Variants in GALNT18 observed in about 807,000 individuals in gnomAD.
The protein encoded by GALNT18 is GalNAc-transferase 18.
Under a neutral mutation model 69.5 loss-of-function variants are expected in GALNT18, and 44 were observed. The observed-to-expected ratio is 0.63, with a 90% CI of 0.50 to 0.81. The LOEUF is 0.81. Among genes scored for constraint, GALNT18 ranks in the 40% least tolerant of loss-of-function variants. GALNT18 has a pLI of 0.00. For missense variants in GALNT18, 715 were observed against 810.0 expected (o/e 0.88, Z 1.42); for synonymous variants, 364 against 318.2 (o/e 1.14, Z -1.53).
At chr11:11,506,297 G>C (rs1212184539) in intron 1 of GALNT18, among the ~76,000 whole-genome samples, 2 of 152,124 alleles carry the variant, frequency 1.3e-5, no homozygotes, top group African/African-American at 4.8e-5. Context: ...TTTTGCAAAA[G>C]AGAAACCACT....
At chr11:11,512,334 G>A (rs927060199) in intron 1 of GALNT18, among the ~76,000 whole-genome samples, 3 of 152,150 alleles carry the variant, frequency 2.0e-5, no homozygotes, top group South Asian at 4.1e-4. Flanking sequence ...GTCAGACTCC[G>A]CCTGACCCAG....
intron 3 of GALNT18, among the ~76,000 whole-genome samples, chr11:11,379,678 A>G (rs1371506180): frequency 6.6e-6 from 1 of 152,132 alleles, no homozygotes; most frequent in Admixed American, 6.5e-5. Flanking sequence ...CCTCCTTCCT[A>G]TTGGTCTCCA....
In GALNT18 at chr11:11,582,319, A is replaced by G. The variant is rs1257673062; in HGVS notation, c.235+39040T>C. 6.6e-6 allele frequency among the ~76,000 whole-genome samples: 1 copy of G among 152,214 alleles called. No individual in the cohort carries two copies. Among genetic ancestry groups the G allele is most frequent in the Non-Finnish European group, 1.5e-5 (1 of 68,036 alleles). ...GGGAGCTGGGCATGGCCAGGAGGCA[A>G]AGGGCCTTTGTTCCCAATCATTCAC... On this transcript the variant is annotated intron_variant, in intron 1 of 10. Coordinates refer to ENST00000227756, the MANE Select transcript of GALNT18 (RefSeq NM_198516.3). The surrounding 1 kb of genome is among the most constrained non-coding windows in gnomAD (Gnocchi z 5.0).
At chr11:11,366,451 TTTC>T (rs1175389530) in intron 6 of GALNT18, among the ~76,000 whole-genome samples, 11 of 152,214 alleles carry the variant, frequency 7.2e-5, no homozygotes, top group African/African-American at 2.4e-4. Flanking sequence ...AAGTAATTAA[TTTC>T]TTCTTGTTAT....
rs1419816358 is a variant in GALNT18, at chr11:11,282,549, A to AG, written c.1677+10479dup. On this transcript the variant is annotated intron_variant, in intron 10 of 10. Transcript: ENST00000227756. ...GTAAGTAGTGGCAGCCTGGGAACCC[A>AG]GGGGGGTCTGCCCCCTTTATGTTCC... Among the ~76,000 whole-genome samples the AG allele has an allele frequency of 2.4e-4, 37 of 152,260 alleles. 2 individuals are homozygous for AG. The highest frequency in any genetic ancestry group is 2.0e-3 in the Admixed American group (31 of 15,306).
rs1859377453 is a variant in GALNT18 at position 11,592,307 on chromosome 11, A to C, written c.235+29052T>G. Among the ~76,000 whole-genome samples, 1 of 152,236 alleles carries C rather than the reference A, an allele frequency of 6.6e-6. No homozygotes were observed. Among genetic ancestry groups the C allele is most frequent in the Non-Finnish European group, 1.5e-5 (1 of 68,048 alleles). ...AATTATATGCACGGTTACGAAAAAA[A>C]ATCAAAGATGTTTCCCACACATTGT... On this transcript the variant is annotated intron_variant, in intron 1 of 10. Coordinates refer to ENST00000227756, the MANE Select transcript of GALNT18 (RefSeq NM_198516.3). This position sits in a 1 kb window ranked among gnomAD's most constrained non-coding sequence, Gnocchi z 5.9.
intron 3 of GALNT18, among the ~76,000 whole-genome samples, chr11:11,403,207 T>C (rs1314439836): frequency 2.0e-5 from 3 of 152,162 alleles, no homozygotes; most frequent in African/African-American, 7.2e-5. Context: ...CACAGTTAGT[T>C]TATCCAACCC....
intron 9 of GALNT18, among the ~76,000 whole-genome samples, chr11:11,324,824 G>A (rs966499988): frequency 6.6e-6 from 1 of 152,018 alleles, no homozygotes; most frequent in Admixed American, 6.5e-5. Context: ...TGGATGCATA[G>A]TTTGTGAATA....
intron 1 of GALNT18, among the ~76,000 whole-genome samples, chr11:11,551,015 T>A (rs563312461): frequency 8.7e-5 from 13 of 149,136 alleles, no homozygotes; most frequent in Non-Finnish European, 1.3e-4. Flanking sequence ...AGAGGGAACA[T>A]CACTCTGAAG....
intron 6 of GALNT18, chr11:11,352,079 G>A (rs761200748): frequency 3.3e-5 from 53 of 1,613,726 alleles, no homozygotes; most frequent in Non-Finnish European, 4.4e-5. Flanking sequence ...CATTGGCGCT[G>A]CTGACGGGCG....
intron 1 of GALNT18, among the ~76,000 whole-genome samples, chr11:11,589,693 C>T (rs1590122760): frequency 6.6e-6 from 1 of 152,238 alleles, no homozygotes; most frequent in East Asian, 1.9e-4. Flanking sequence ...CACAGTTTGT[C>T]TATCGCCCCT....
intron 1 of GALNT18, among the ~76,000 whole-genome samples, chr11:11,457,791 A>G (rs956778330): frequency 3.5e-5 from 5 of 142,142 alleles, no homozygotes; most frequent in Admixed American, 2.8e-4. Context: ...TCTCAGGCAG[A>G]GGGGATCACT....
intron 2 of GALNT18, among the ~76,000 whole-genome samples, chr11:11,445,255 T>C (rs1361548674): frequency 6.6e-6 from 1 of 152,182 alleles, no homozygotes; most frequent in African/African-American, 2.4e-5. Context: ...GGGCAGGAGA[T>C]ATCATCTCCC....
At position 11,492,349 on chromosome 11, in the gene GALNT18, TTAGAAACCAACAATAACACTGCCA is replaced by T. The variant is rs1463571799; in HGVS notation, c.236-43437_236-43414del. On this transcript the variant is annotated intron_variant, in intron 1 of 10. Transcript: ENST00000227756. ...TCTCTGGTACCTGGCAGCTGCCTGT[TTAGAAACCAACAATAACACTGCCA>T]TAGAAGCTGAGAATGCTGCTAACAC... Among the ~76,000 whole-genome samples the T allele has an allele frequency of 2.3e-4, 35 of 152,314 alleles. No individual in the cohort carries two copies. In the South Asian group the frequency reaches 7.1e-3, roughly 31 times the overall value.
intron 10 of GALNT18, among the ~76,000 whole-genome samples, chr11:11,274,074 G>T (rs564656287): frequency 3.3e-5 from 5 of 152,124 alleles, no homozygotes; most frequent in South Asian, 4.1e-4. Flanking sequence ...CCTGGGAAGT[G>T]CAAGGGGTTG....
At chr11:11,419,596 CAAAAA>C (rs58012512) in intron 3 of GALNT18, among the ~76,000 whole-genome samples, 7 of 26,628 alleles carry the variant, frequency 2.6e-4, no homozygotes, top group African/African-American at 6.9e-4. Flanking sequence ...GATCCTGTCT[CAAAAA>C]AAAAAAAAAA....
At chr11:11,287,361 G>A (rs1343270011) in intron 10 of GALNT18, among the ~76,000 whole-genome samples, 1 of 152,088 alleles carries the variant, frequency 6.6e-6, no homozygotes, top group Non-Finnish European at 1.5e-5. Flanking sequence ...CTAACATTAG[G>A]CTATTACAAA....
intron 1 of GALNT18, among the ~76,000 whole-genome samples, chr11:11,450,443 A>G (rs1855768736): frequency 6.6e-6 from 1 of 152,190 alleles, no homozygotes; most frequent in Non-Finnish European, 1.5e-5. Context: ...GGCTCCCCCT[A>G]CCATGGAAGG....
At chr11:11,599,655 T>A (rs1859586341) in intron 1 of GALNT18, among the ~76,000 whole-genome samples, 1 of 151,564 alleles carries the variant, frequency 6.6e-6, no homozygotes, top group Admixed American at 6.6e-5. Context: ...GTTTTCTATA[T>A]CTCATATATT....
Sources: allele counts gnomAD v4.1 joint callset (sites outside exome capture counted in the v4.1 genomes callset), GRCh38; gene constraint gnomAD v4.1.1; non-coding constraint Gnocchi (gnomAD v3.1); transcripts MANE v1.5; gene names NCBI Gene and HGNC (gene_info 2026-07-23, HGNC 2026-07-21).